The following HS3ST2 variants were observed in gnomAD, a reference collection of about 807,000 sequenced individuals.
HS3ST2 encodes heparan sulfate-glucosamine 3-sulfotransferase 2, also known as heparan sulfate glucosamine 3-O-sulfotransferase 2.
HS3ST2 carries 17 observed loss-of-function variants against 26.3 expected under a neutral mutation model. That is an observed-to-expected ratio of 0.65 (90% CI 0.44 to 0.97). The LOEUF is 0.97. Ranked by LOEUF, HS3ST2 falls within the 50% of genes least tolerant of loss-of-function variation. The pLI is 0.00. For missense variants in HS3ST2, 402 were observed against 501.2 expected (o/e 0.80, Z 1.89); for synonymous variants, 237 against 219.2 (o/e 1.08, Z -0.72).
intron 1 of HS3ST2, among the ~76,000 whole-genome samples, chr16:22,859,518 T>C (rs1263424120): frequency 6.6e-6 from 1 of 152,198 alleles, no homozygotes; most frequent in African/African-American, 2.4e-5. Context: ...AGCTGTCAGA[T>C]TCCTTACATC....
At chr16:22,903,388 T>C (rs1312488731) in intron 1 of HS3ST2, among the ~76,000 whole-genome samples, 1 of 152,228 alleles carries the variant, frequency 6.6e-6, no homozygotes, top group Non-Finnish European at 1.5e-5. Context: ...CTTGTTTATG[T>C]CCAAAGCATC....
intron 1 of HS3ST2, among the ~76,000 whole-genome samples, chr16:22,884,899 G>A (rs1205269084): frequency 1.3e-5 from 2 of 149,010 alleles, no homozygotes; most frequent in African/African-American, 4.9e-5. Context: ...GGAGTGCACT[G>A]GCATGATCTC....
chr16:22,887,842 G>A (rs1460301344), intron 1 of HS3ST2, among the ~76,000 whole-genome samples: 3 of 151,492 alleles, frequency 2.0e-5, no homozygotes, highest in African/African-American at 4.8e-5. Flanking sequence ...CCAGCTACTC[G>A]GGAGGCTAAG....
At chr16:22,881,362 A>G (rs112518327) in intron 1 of HS3ST2, among the ~76,000 whole-genome samples, 2,102 of 152,178 alleles carry the variant, frequency 0.014, 44 homozygotes, top group African/African-American at 0.048. Flanking sequence ...TGTCAGGAGG[A>G]GACAGGGCTG....
At chr16:22,895,070 CTT>C (rs55861016) in intron 1 of HS3ST2, among the ~76,000 whole-genome samples, 3,316 of 134,656 alleles carry the variant, frequency 0.025, 84 homozygotes, top group African/African-American at 0.071. Context: ...TTCTTTCTTT[CTT>C]TTTTTTTTTT....
intron 1 of HS3ST2, among the ~76,000 whole-genome samples, chr16:22,847,304 G>T (rs1201742136): frequency 6.6e-6 from 1 of 152,096 alleles, no homozygotes; most frequent in Non-Finnish European, 1.5e-5. Context: ...TTCCCACAAA[G>T]GACATGATGT....
At chr16:22,843,823 T>C (rs1901394000) in intron 1 of HS3ST2, among the ~76,000 whole-genome samples, 2 of 152,146 alleles carry the variant, frequency 1.3e-5, no homozygotes, top group Admixed American at 1.3e-4. Context: ...GTGGAGACCC[T>C]CTCTGGGGAG....
chr16:22,831,333 T>G (rs1476430473), intron 1 of HS3ST2, among the ~76,000 whole-genome samples: 1 of 152,236 alleles, frequency 6.6e-6, no homozygotes, highest in African/African-American at 2.4e-5. Context: ...TGGTTGTCAT[T>G]GTCTATCAAT....
intron 1 of HS3ST2, among the ~76,000 whole-genome samples, chr16:22,848,019 T>G (rs1217759940): frequency 1.3e-5 from 2 of 152,222 alleles, no homozygotes; most frequent in African/African-American, 4.8e-5. Flanking sequence ...AATTCTTGCC[T>G]GATCAGGTCA....
intron 1 of HS3ST2, among the ~76,000 whole-genome samples, chr16:22,866,979 T>A (rs1249097098): frequency 6.6e-6 from 1 of 152,210 alleles, no homozygotes; most frequent in African/African-American, 2.4e-5. Context: ...ACACGTTGAC[T>A]TTTAAAGTTC....
At chr16:22,836,820 G>A (rs1374985789) in intron 1 of HS3ST2, among the ~76,000 whole-genome samples, 1 of 151,790 alleles carries the variant, frequency 6.6e-6, no homozygotes, top group Non-Finnish European at 1.5e-5. Flanking sequence ...AATTTTTTTT[G>A]TTATTTATTT....
chr16:22,899,826 C>G (rs948491738), intron 1 of HS3ST2, among the ~76,000 whole-genome samples: 1 of 152,210 alleles, frequency 6.6e-6, no homozygotes, highest in East Asian at 1.9e-4. Context: ...AAAACCCACC[C>G]TCATGATTTA....
At chr16:22,884,986 A>G (rs1198091510) in intron 1 of HS3ST2, among the ~76,000 whole-genome samples, 2 of 151,482 alleles carry the variant, frequency 1.3e-5, no homozygotes, top group Non-Finnish European at 2.9e-5. Flanking sequence ...GGTCACAGAC[A>G]CGTGCCACCA....
At chr16:22,845,441 T>A (rs1901418082) in intron 1 of HS3ST2, among the ~76,000 whole-genome samples, 1 of 141,356 alleles carries the variant, frequency 7.1e-6, no homozygotes, top group South Asian at 2.2e-4. Flanking sequence ...AACCTCCGCC[T>A]CCTGGGTTCA....
At chr16:22,882,997 C>T (rs1902011316) in intron 1 of HS3ST2, among the ~76,000 whole-genome samples, 2 of 151,016 alleles carry the variant, frequency 1.3e-5, no homozygotes, top group African/African-American at 4.9e-5. Context: ...TGCCACTGCA[C>T]TCTGGCCTGG....
intron 1 of HS3ST2, among the ~76,000 whole-genome samples, chr16:22,820,461 T>A (rs1900975597): frequency 6.6e-6 from 1 of 152,242 alleles, no homozygotes; most frequent in South Asian, 2.1e-4. Context: ...AAAAGAGGTT[T>A]AATGGACTCA....
intron 1 of HS3ST2, among the ~76,000 whole-genome samples, chr16:22,912,486 C>T (rs189233707): frequency 1.4e-4 from 21 of 152,174 alleles, no homozygotes; most frequent in African/African-American, 3.9e-4. Context: ...GCAGGGCAGG[C>T]GAGCCTTGGG....
chr16:22,842,746 A>G (rs1458753864), intron 1 of HS3ST2, among the ~76,000 whole-genome samples: 1 of 152,018 alleles, frequency 6.6e-6, no homozygotes, highest in African/African-American at 2.4e-5. Context: ...CATTCCTCCC[A>G]TCTCTTAACC....
intron 1 of HS3ST2, among the ~76,000 whole-genome samples, chr16:22,877,844 C>T (rs529720758): frequency 7.2e-5 from 11 of 152,236 alleles, no homozygotes; most frequent in South Asian, 4.1e-4. Flanking sequence ...TGCAACAATA[C>T]GGGTATTACA....
Sources: gnomAD v4.1 joint callset for allele counts (sites outside exome capture counted in the v4.1 genomes callset) on GRCh38, gnomAD v4.1.1 for gene constraint, MANE v1.5 for transcripts, NCBI Gene and HGNC (gene_info 2026-07-23, HGNC 2026-07-21) for gene names.